The following NPEPPS variants were observed in gnomAD, a reference collection of about 807,000 sequenced individuals.
NPEPPS encodes the protein aminopeptidase puromycin sensitive.
A neutral mutation model predicts 115.5 loss-of-function variants in NPEPPS; 14 were observed. That is an observed-to-expected ratio of 0.12 (90% CI 0.08 to 0.19). The LOEUF (loss-of-function observed/expected upper bound fraction) is 0.19, where lower values mean the gene tolerates loss of function less well. Ranked by LOEUF, NPEPPS falls within the 10% of genes least tolerant of loss-of-function variation. The probability of loss-of-function intolerance (pLI) is 1.00; values close to 1 mark genes in which losing one functional copy is unlikely to be tolerated. For synonymous variants in NPEPPS, 285 were observed against 390.6 expected (o/e 0.73, Z 3.19); for missense variants, 523 against 1,110.8 (o/e 0.47, Z 7.52).
chr17:47,531,499 C>A lies in NPEPPS; in HGVS notation c.199C>A (p.Leu67Ile). ...DVSPINYSLC[L>I]KPDLLDFTFE... ...CTCCCCCATCAACTACAGCCTTTGC[C>A]TCAAGCCCGACTTGCTGGACTTCAC... The change falls in exon 1 of 23, where the codon CTC becomes ATC. Residue 67 changes from leucine (L) to isoleucine (I), a missense_variant. Physicochemically the swap from Leu to Ile is conservative, Grantham distance 5. Around this residue, in one of 4 missense-constraint regions of NPEPPS, gnomAD observed 144 missense variants for 512.4 expected, o/e 0.28. Coordinates refer to ENST00000322157, the MANE Select transcript of NPEPPS (RefSeq NM_006310.4). 6.2e-7 allele frequency: 1 copy of A among 1,608,908 alleles called. No homozygotes were observed. Among genetic ancestry groups the A allele is most frequent in the Non-Finnish European group, 8.5e-7 (1 of 1,178,590 alleles).
chr17:47,603,066 AT>A (rs1167576256), intron 15 of NPEPPS, among the ~76,000 whole-genome samples: 1 of 152,196 alleles, frequency 6.6e-6, no homozygotes, highest in Admixed American at 6.5e-5. Flanking sequence ...CCATTTAACT[AT>A]TTTGAATATA....
rs1023234604 is a variant in NPEPPS at position 47,582,944 on chromosome 17, A to T, written c.648+95A>T. 5 of 582,388 alleles carry T rather than the reference A, an allele frequency of 8.6e-6. No homozygotes were observed. In the African/African-American group the frequency reaches 9.4e-5, roughly 11 times the overall value. The allele number at this position is 582,388 out of a possible 1,614,324, so 36.1% of individuals were successfully genotyped here. ...GGGATAATATGAAACCACCTACCAC[A>T]GTGCTGGTATATTATAGGAACATAA... On this transcript the variant is annotated intron_variant, in intron 5 of 22. Coordinates refer to ENST00000322157, the MANE Select transcript of NPEPPS (RefSeq NM_006310.4).
At chr17:47,564,119 A>G (rs1284648202) in intron 2 of NPEPPS, among the ~76,000 whole-genome samples, 2 of 151,704 alleles carry the variant, frequency 1.3e-5, no homozygotes, top group African/African-American at 4.8e-5. Context: ...GTTTAGTTTT[A>G]CCATGTTGGC....
intron 6 of NPEPPS, 109 bp downstream of exon 6, chr17:47,585,809 G>A: frequency 1.2e-6 from 1 of 855,514 alleles, no homozygotes; most frequent in Non-Finnish European, 1.9e-6. Flanking sequence ...TCTGAAAGTT[G>A]TGCTACTTGG....
chr17:47,582,653 A>G, intron 4 of NPEPPS, 89 bp from the exon 5 acceptor site: 1 of 841,270 alleles, frequency 1.2e-6, no homozygotes. Flanking sequence ...AAGGGAATGA[A>G]TGAATGACAG....
At chr17:47,558,686 G>A (rs1028310540) in intron 2 of NPEPPS, among the ~76,000 whole-genome samples, 1 of 152,150 alleles carries the variant, frequency 6.6e-6, no homozygotes, top group African/African-American at 2.4e-5. Flanking sequence ...GCTTTGGCCT[G>A]AAGTGCTGGG....
chr17:47,544,827 C>T (rs1235732414), intron 1 of NPEPPS, among the ~76,000 whole-genome samples: 1 of 146,586 alleles, frequency 6.8e-6, no homozygotes. Flanking sequence ...ATTCTCCTGC[C>T]CCTGCATCGT....
intron 12 of NPEPPS, among the ~76,000 whole-genome samples, chr17:47,594,924 G>A (rs919902380): frequency 2.1e-5 from 3 of 142,442 alleles, no homozygotes; most frequent in East Asian, 4.4e-4. Context: ...GAGCCACCGC[G>A]CCTGGCCTAT....
At chr17:47,533,117 T>C (rs1179748912) in intron 1 of NPEPPS, among the ~76,000 whole-genome samples, 5 of 152,226 alleles carry the variant, frequency 3.3e-5, no homozygotes, top group African/African-American at 1.2e-4. Flanking sequence ...AGATTAAAAA[T>C]ATGTCTAAAA....
intron 13 of NPEPPS, among the ~76,000 whole-genome samples, chr17:47,598,519 T>A (rs963404669): frequency 6.6e-5 from 10 of 152,246 alleles, no homozygotes; most frequent in Admixed American, 5.2e-4. Context: ...ACATTTGTAA[T>A]CCCAGCACTT....
upstream of NPEPPS, among the ~76,000 whole-genome samples, chr17:47,528,442 A>C (rs188890826): frequency 3.7e-4 from 57 of 152,252 alleles, no homozygotes; most frequent in Non-Finnish European, 7.8e-4. Context: ...CTTTCTGAAA[A>C]GTATGTAGGA....
At chr17:47,601,499 T>C (rs1383406748) in intron 14 of NPEPPS, 109 bp from the exon 15 acceptor site, 2 of 1,150,932 alleles carry the variant, frequency 1.7e-6, no homozygotes, top group Admixed American at 2.1e-5. Context: ...GAATGAACTA[T>C]TGACTTAACA....
At position 47,618,430 on chromosome 17, in the gene NPEPPS, T is replaced by G. The variant is rs767865517; in HGVS notation, c.2376T>G (p.Ile792Met). ...GCGCTACTCTTTTGCCTGACCTGAT[T>G]CAAAAAGTCCTCACGTTTGCACTTT... ...VLGATLLPDLIQKVLTFALSE... is the reference protein window; with the variant it reads ...VLGATLLPDLMQKVLTFALSE... Residue 792 changes from isoleucine to methionine, a missense_variant, in exon 20 of 23, where the codon ATT becomes ATG. Transcript: ENST00000322157. 1.8e-5 allele frequency: 29 copies of G among 1,613,622 alleles called. No homozygotes were observed. The highest frequency in any genetic ancestry group is 1.5e-4 in the Admixed American group (9 of 59,984).
chr17:47,550,092 G>A (rs1315872330), intron 2 of NPEPPS, among the ~76,000 whole-genome samples: 1 of 151,144 alleles, frequency 6.6e-6, no homozygotes, highest in Non-Finnish European at 1.5e-5. Context: ...ACGCTGCCAC[G>A]CCCAGCTAAT....
At chr17:47,582,895 G>A (rs1911970165) in intron 5 of NPEPPS, 46 bp downstream of exon 5, 1 of 606,312 alleles carries the variant, frequency 1.6e-6, no homozygotes, top group African/African-American at 1.9e-5. Context: ...ATAGGCTTTA[G>A]CAGATTTAGT....
At chr17:47,529,003 G>A (rs1907547056), upstream of NPEPPS, among the ~76,000 whole-genome samples, 1 of 152,060 alleles carries the variant, frequency 6.6e-6, no homozygotes, top group African/African-American at 2.4e-5. Flanking sequence ...GGTTAAATAA[G>A]ATGTGTTTTC....
chr17:47,616,033 A>G (rs1914177714), intron 19 of NPEPPS, among the ~76,000 whole-genome samples: 1 of 152,198 alleles, frequency 6.6e-6, no homozygotes, highest in Non-Finnish European at 1.5e-5. Context: ...CTAGAATAAC[A>G]GTTCTCTATG....
rs1914662861 is a variant in NPEPPS, at chr17:47,622,739, A to C, written c.*819A>C. ...ATTTTTTTCTTTTTAAAGATGACTT[A>C]TAAGAACCCTGAAATTTATATAGGT... On this transcript the variant is annotated 3_prime_UTR_variant, in exon 23 of 23. Coordinates refer to ENST00000322157, the MANE Select transcript of NPEPPS (RefSeq NM_006310.4). The C allele has an allele frequency of 2.5e-6, 1 of 400,868 alleles. No homozygotes were observed. The highest frequency in any genetic ancestry group is 1.9e-5 in the South Asian group (1 of 52,556). The allele number at this position is 400,868 out of a possible 1,614,324, so 24.8% of individuals were successfully genotyped here.
chr17:47,543,145 CAA>C (rs941024934), intron 1 of NPEPPS, among the ~76,000 whole-genome samples: 59 of 53,030 alleles, frequency 1.1e-3, no homozygotes, highest in African/African-American at 3.2e-3. Flanking sequence ...GACTCCATCT[CAA>C]AAAAAAAAAA....
Sources: allele counts gnomAD v4.1 joint callset (sites outside exome capture counted in the v4.1 genomes callset), GRCh38; gene constraint gnomAD v4.1.1; regional missense constraint gnomAD v4.1.1; transcripts MANE v1.5; gene names NCBI Gene and HGNC (gene_info 2026-07-23, HGNC 2026-07-21).